CRTC3: variants seen among roughly 807,000 people sequenced by gnomAD.
CRTC3 encodes CREB-regulated transcription coactivator 3.
Under a neutral mutation model 74.5 loss-of-function variants are expected in CRTC3, and 26 were observed. The ratio of observed to expected loss-of-function variants is 0.35; its 90% CI spans 0.26 to 0.48. The LOEUF is 0.48. Ranked by LOEUF, CRTC3 falls within the 20% of genes least tolerant of loss-of-function variation. CRTC3 has a pLI of 0.99. For missense variants in CRTC3, 760 were observed against 787.3 expected, an observed-to-expected ratio of 0.97 and a Z score of 0.41; for synonymous variants, 377 against 325.8, an observed-to-expected ratio of 1.16 and a Z score of -1.69.
intron 1 of CRTC3, among the ~76,000 whole-genome samples, chr15:90,536,015 A>G (rs1261961753): frequency 6.6e-6 from 1 of 152,222 alleles, no homozygotes; most frequent in Non-Finnish European, 1.5e-5. Flanking sequence ...TCCCTGCTGT[A>G]AGGTATCAGT....
At chr15:90,598,634 A>G in intron 3 of CRTC3, 1 of 660,080 alleles carries the variant, frequency 1.5e-6, no homozygotes, top group Non-Finnish European at 2.7e-6. Context: ...AAGAAGAGGA[A>G]CAGATTAAGG....
intron 1 of CRTC3, among the ~76,000 whole-genome samples, chr15:90,536,366 C>T (rs540923977): frequency 6.6e-6 from 1 of 150,598 alleles, no homozygotes; most frequent in South Asian, 2.1e-4. Context: ...TGAAATCCGT[C>T]TCTAAAAAAA....
At chr15:90,533,694 ACAGTGTCC>A (rs1048905323) in intron 1 of CRTC3, among the ~76,000 whole-genome samples, 1 of 152,174 alleles carries the variant, frequency 6.6e-6, no homozygotes, top group Non-Finnish European at 1.5e-5. Context: ...CAAGCAAAAC[ACAGTGTCC>A]CAGTGGATTT....
In CRTC3 at chr15:90,542,335, C is replaced by T. The variant is rs1169327963; in HGVS notation, c.231+2198C>T. ...CTGGGATCATAGGCGTGCGTCACCA[C>T]GCCTGGCTAATTTTTGTATTTTTAG... On this transcript the variant is annotated intron_variant, in intron 2 of 14. Coordinates refer to ENST00000268184, the MANE Select transcript of CRTC3 (RefSeq NM_022769.5). Among the ~76,000 whole-genome samples the T allele has an allele frequency of 9.2e-5, 14 of 152,134 alleles. No individual in the cohort carries two copies. In the East Asian group the frequency reaches 1.7e-3, roughly 19 times the overall value.
At chr15:90,612,734 G>A (rs1389699854) in intron 6 of CRTC3, among the ~76,000 whole-genome samples, 1 of 152,070 alleles carries the variant, frequency 6.6e-6, no homozygotes, top group Non-Finnish European at 1.5e-5. Flanking sequence ...ATAGGAATCC[G>A]CAACTCCTGT....
rs775448244 is a variant in CRTC3, at chr15:90,617,871, T to G, written c.614-12T>G. ...TCATGCAATGACTGTGCTGCTTTTTTTTTCCCTTTAGTAGCATCTTTCCCT... is the reference window on the plus strand; with the variant it reads ...TCATGCAATGACTGTGCTGCTTTTTGTTTCCCTTTAGTAGCATCTTTCCCT... On this transcript the variant is annotated splice_polypyrimidine_tract_variant and intron_variant, in intron 7 of 14. Coordinates refer to ENST00000268184, the MANE Select transcript of CRTC3 (RefSeq NM_022769.5). 1 of 1,596,328 alleles carries G rather than the reference T, an allele frequency of 6.3e-7. No homozygotes were observed. Among genetic ancestry groups the G allele is most frequent in the Admixed American group, 1.7e-5 (1 of 59,970 alleles).
Position 90,539,889 on chromosome 15 carries a change from G to A in CRTC3, c.133-150G>A, listed in dbSNP as rs557177093. Reference sequence around the variant, plus strand: ...GAGTAATCAAAACCCAGAAAGCACCGGAAACCTTGAGGGTGTGATCACTTA... The same window carrying A: ...GAGTAATCAAAACCCAGAAAGCACCAGAAACCTTGAGGGTGTGATCACTTA... On this transcript the variant is annotated intron_variant, in intron 1 of 14. Coordinates refer to ENST00000268184, the MANE Select transcript of CRTC3 (RefSeq NM_022769.5). 103 of 640,584 alleles carry A rather than the reference G, an allele frequency of 1.6e-4. 2 individuals carry two copies. In the South Asian group the frequency reaches 1.7e-3, roughly 11 times the overall value. The allele number at this position is 640,584 out of a possible 1,614,324, so 39.7% of individuals were successfully genotyped here.
At chr15:90,603,197 A>ATGAGCCCAG (rs1486672514) in intron 4 of CRTC3, among the ~76,000 whole-genome samples, 1 of 152,004 alleles carries the variant, frequency 6.6e-6, no homozygotes, top group African/African-American at 2.4e-5. Flanking sequence ...TAATCCCAGC[A>ATGAGCCCAG]CTTTGGGAGG....
chr15:90,613,565 TAA>T (rs1968417983), intron 6 of CRTC3: 1 of 152,254 alleles, frequency 6.6e-6, no homozygotes, highest in Admixed American at 6.5e-5. Flanking sequence ...AGAAACTTAT[TAA>T]ATATGGGTTG....
Position 90,643,724 on chromosome 15 carries a change from G to T in CRTC3, c.*1584G>T, listed in dbSNP as rs1052733854. On this transcript the variant is annotated 3_prime_UTR_variant, in exon 15 of 15. Transcript: ENST00000268184. The stretch of plus-strand genomic sequence containing the variant: ...GTTTGAAGGGGGCAGAGCACTGCAG[G>T]GGGAGGGGGGGGTCTAGGCTGTGAG... 1.3e-5 allele frequency: 3 copies of T among 232,666 alleles called. No individual in the cohort carries two copies. Among genetic ancestry groups the T allele is most frequent in the African/African-American group, 2.2e-5 (1 of 45,240 alleles). The allele number at this position is 232,666 out of a possible 1,614,324, so 14.4% of individuals were successfully genotyped here. A position where few individuals can be genotyped will look rare whatever the true frequency, so the allele number is the denominator to read the frequency against.
chr15:90,530,101 C>A lies in CRTC3; in HGVS notation c.30C>A (p.Ala10=). Residue 10 remains alanine, a synonymous_variant, in exon 1 of 15, where the codon GCC becomes GCA. Coordinates refer to ENST00000268184, the MANE Select transcript of CRTC3 (RefSeq NM_022769.5). This position sits in a 1 kb window ranked among gnomAD's most constrained non-coding sequence, Gnocchi z 6.2. The part of the protein sequence containing the change: MAASPGSGS[A]NPRKFSEKIA... ...CCGCCTCGCCGGGCTCGGGCAGCGC[C>A]AACCCGCGGAAGTTCAGTGAGAAGA... 2 of 1,451,584 alleles carry A rather than the reference C, an allele frequency of 1.4e-6. No homozygotes were observed. Among genetic ancestry groups the A allele is most frequent in the Non-Finnish European group, 1.8e-6 (2 of 1,086,644 alleles). 89.9% of individuals were successfully genotyped at this position (1,451,584 alleles called of 1,614,324 possible). A position where few individuals can be genotyped will look rare whatever the true frequency, so the allele number is the denominator to read the frequency against.
At chr15:90,612,025 CACT>C (rs1356137789) in intron 6 of CRTC3, among the ~76,000 whole-genome samples, 33 of 76,528 alleles carry the variant, frequency 4.3e-4, no homozygotes, top group African/African-American at 6.7e-4. Context: ...AACCACCCCC[CACT>C]CCTCCTCCTC....
Position 90,644,652 on chromosome 15 carries a change from G to T in CRTC3, c.*2512G>T. On this transcript the variant is annotated 3_prime_UTR_variant, in exon 15 of 15. Transcript: ENST00000268184. ...CTATGAGTGAGTCCGATCTTTTCTT[G>T]TGAAAGGTTTTGGGCATCGTACAAC... 1 of 232,300 alleles carries T rather than the reference G, an allele frequency of 4.3e-6. No homozygotes were observed. The allele number at this position is 232,300 out of a possible 1,614,324, so 14.4% of individuals were successfully genotyped here.
intron 6 of CRTC3, among the ~76,000 whole-genome samples, chr15:90,607,907 A>T (rs1193873826): frequency 6.6e-6 from 1 of 152,180 alleles, no homozygotes; most frequent in African/African-American, 2.4e-5. Context: ...TACTACTAAG[A>T]CCAGGTTGGA....
chr15:90,561,272 AGATT>A (rs1000800622), intron 2 of CRTC3, among the ~76,000 whole-genome samples: 1 of 152,192 alleles, frequency 6.6e-6, no homozygotes, highest in African/African-American at 2.4e-5. Flanking sequence ...TGACTTCAAT[AGATT>A]GTTGGTACCA....
rs559449448 is a variant in CRTC3, at chr15:90,641,800, C to G, written c.1652-132C>G. On this transcript the variant is annotated intron_variant, in intron 14 of 14. Transcript: ENST00000268184. ...AAGAATGTAGATTCCAGGGCAAGAA[C>G]TGTGGGCCTGGGGGTGGTCAGGATG... 39 of 699,886 alleles carry G rather than the reference C, an allele frequency of 5.6e-5. No homozygotes were observed. The South Asian group carries it at 6.7e-4, about 12-fold the overall frequency. 43.4% of individuals were successfully genotyped at this position (699,886 alleles called of 1,614,324 possible).
intron 14 of CRTC3, among the ~76,000 whole-genome samples, chr15:90,641,516 C>A (rs532933237): frequency 1.3e-5 from 2 of 151,932 alleles, no homozygotes; most frequent in Non-Finnish European, 1.5e-5. Flanking sequence ...GCTAACACAG[C>A]GAAACCCCGT....
intron 14 of CRTC3, 81 bp downstream of exon 14, chr15:90,641,280 C>A: frequency 1.0e-6 from 1 of 982,074 alleles, no homozygotes; most frequent in South Asian, 1.4e-5. Context: ...GTTTAAACAA[C>A]ATAATATTAT....
At chr15:90,574,845 C>T (rs919794838) in intron 2 of CRTC3, among the ~76,000 whole-genome samples, 1 of 152,032 alleles carries the variant, frequency 6.6e-6, no homozygotes, top group Non-Finnish European at 1.5e-5. Flanking sequence ...TTATGTTTAC[C>T]GTGAACAATC....
Sources: gnomAD v4.1 joint callset for allele counts (sites outside exome capture counted in the v4.1 genomes callset) on GRCh38, gnomAD v4.1.1 for gene constraint, Gnocchi (gnomAD v3.1) non-coding constraint, MANE v1.5 for transcripts, NCBI Gene and HGNC (gene_info 2026-07-23, HGNC 2026-07-21) for gene names.